Variants in DDX54 observed in about 807,000 individuals in gnomAD.
DDX54 encodes the protein ATP-dependent RNA helicase DDX54.
Under a neutral mutation model 105.5 loss-of-function variants are expected in DDX54, and 67 were observed. The ratio of observed to expected loss-of-function variants is 0.64; its 90% CI spans 0.52 to 0.78. The LOEUF is 0.78. Ranked by LOEUF, DDX54 falls within the 30% of genes least tolerant of loss-of-function variation. The pLI, the probability that DDX54 is intolerant of heterozygous loss-of-function variation, is 0.00. For synonymous variants in DDX54, 514 were observed against 509.9 expected (o/e 1.01, Z -0.11); for missense variants, 1,206 against 1,230.5 (o/e 0.98, Z 0.30).
chr12:113,167,635 G>C (rs1042786999), intron 12 of DDX54, among the ~76,000 whole-genome samples: 1 of 152,224 alleles, frequency 6.6e-6, no homozygotes, highest in Non-Finnish European at 1.5e-5. Context: ...TCAGGAGCCT[G>C]CCCTCTTCCC....
intron 10 of DDX54, among the ~76,000 whole-genome samples, chr12:113,173,185 T>A (rs1433172787): frequency 1.3e-5 from 2 of 151,930 alleles, no homozygotes; most frequent in Non-Finnish European, 2.9e-5. Context: ...ACAAAAAAAA[T>A]TAAAATAAAT....
chr12:113,179,914 G>A lies in DDX54; in HGVS notation c.375+21C>T, dbSNP rs373608065. The A allele has an allele frequency of 2.9e-5, 47 of 1,613,800 alleles. No homozygotes were observed. In the Middle Eastern group the frequency reaches 4.9e-4, roughly 17 times the overall value. ...TGTCACTCCTCCCTCGCCCTCACCCGTCGACCGCCCCACCCCTCACCTTCC... is the reference window on the plus strand; with the variant it reads ...TGTCACTCCTCCCTCGCCCTCACCCATCGACCGCCCCACCCCTCACCTTCC... On this transcript the variant is annotated intron_variant, in intron 3 of 19. Transcript: ENST00000306014.
Position 113,174,523 on chromosome 12 carries a change from G to C in DDX54, c.1068+117C>G, listed in dbSNP as rs1365283349. The stretch of plus-strand genomic sequence containing the variant: ...AAATAAAAATAAAAATGACCATCTT[G>C]AGCCCAGGCCCAGGCTCCTGGTCCG... On this transcript the variant is annotated intron_variant, in intron 10 of 19. Transcript: ENST00000306014. The C allele has an allele frequency of 2.8e-6, 4 of 1,405,140 alleles. No homozygotes were observed. In the Admixed American group the frequency reaches 1.1e-4, roughly 38 times the overall value. The allele number at this position is 1,405,140 out of a possible 1,614,324, so 87.0% of individuals were successfully genotyped here. A position where few individuals can be genotyped will look rare whatever the true frequency, so the allele number is the denominator to read the frequency against.
chr12:113,171,246 G>A (rs1336649911), intron 11 of DDX54, among the ~76,000 whole-genome samples: 1 of 152,156 alleles, frequency 6.6e-6, no homozygotes, highest in African/African-American at 2.4e-5. Context: ...CAGTTACCAG[G>A]GGCTGCGGGA....
chr12:113,176,783 C>G, intron 7 of DDX54, 57 bp downstream of exon 7: 1 of 1,586,662 alleles, frequency 6.3e-7, no homozygotes, highest in South Asian at 1.1e-5. Flanking sequence ...GTTGACCTCT[C>G]TGCCTCTGCT....
chr12:113,169,844 AT>A lies in DDX54; in HGVS notation c.1339del (p.Ile447SerfsTer114), dbSNP rs1335494663. The A allele has an allele frequency of 6.2e-7, 1 of 1,613,874 alleles. No homozygotes were observed. The highest frequency in any genetic ancestry group is 1.1e-5 in the South Asian group (1 of 91,050). ...TAYSLVAPDE[I>X]PYLLDLHLFL... is the part of the protein sequence containing the mutation. ...CAGGTGCAGATCCAGCAGGTAGGGG[AT>A]TTCATCAGGGGCCACCAAGGAGTAG... is the stretch of plus-strand genomic sequence containing the variant. On this transcript the variant is annotated frameshift_variant, in exon 12 of 20. Coordinates refer to ENST00000306014, the MANE Select transcript of DDX54 (RefSeq NM_024072.4). LOFTEE classifies it high-confidence loss of function.
intron 1 of DDX54, 107 bp downstream of exon 1, chr12:113,185,171 C>G (rs1952514182): frequency 7.3e-7 from 1 of 1,364,180 alleles, no homozygotes; most frequent in African/African-American, 1.5e-5. Flanking sequence ...AGCCTCCCTC[C>G]CCACACTCTG....
At position 113,158,852 on chromosome 12, in the gene DDX54, G is replaced by T. The variant is rs1267271949; in HGVS notation, c.*25C>A. 1.9e-6 allele frequency: 3 copies of T among 1,567,346 alleles called. No homozygotes were observed. The highest frequency in any genetic ancestry group is 3.5e-5 in the Admixed American group (2 of 56,864). ...GATGCCCACCCTAAGGCCAATCAAG[G>T]AGCCACGGGGCTGGGTCCTGGTCCT... On this transcript the variant is annotated 3_prime_UTR_variant, in exon 20 of 20. Transcript: ENST00000306014. The surrounding 1 kb of genome is among the most constrained non-coding windows in gnomAD (Gnocchi z 4.9).
Position 113,162,975 on chromosome 12 carries a change from C to A in DDX54, c.2152G>T (p.Asp718Tyr). Reference protein sequence around the residue: ...AAGAVLDLMGDEAQNLTRGRQ... With the variant: ...AAGAVLDLMGYEAQNLTRGRQ... ...CCCCTCGTCAGGTTCTGGGCTTCAT[C>A]CCCCATCAAGTCCAGGACAGCGCCA... The change falls in exon 17 of 20, where the codon GAT becomes TAT. Residue 718 changes from aspartate to tyrosine, a missense_variant. Asp to Tyr is a radical substitution (Grantham distance 160). Coordinates refer to ENST00000306014, the MANE Select transcript of DDX54 (RefSeq NM_024072.4). The A allele has an allele frequency of 1.2e-6, 2 of 1,608,508 alleles. No individual in the cohort carries two copies. The highest frequency in any genetic ancestry group is 8.5e-7 in the Non-Finnish European group (1 of 1,179,706).
At chr12:113,184,646 G>A (rs1324771635) in intron 1 of DDX54, among the ~76,000 whole-genome samples, 3 of 151,760 alleles carry the variant, frequency 2.0e-5, no homozygotes, top group Admixed American at 2.0e-4. Flanking sequence ...GCAACATAGG[G>A]AGACCCCCGT....
Position 113,157,837 on chromosome 12 carries a change from T to C in DDX54, c.*1040A>G. On this transcript the variant is annotated 3_prime_UTR_variant, in exon 20 of 20. Transcript: ENST00000306014. ...GTGCCTGTTCAGAGTGCTGTGGGCC[T>C]GCCATGAGGGGCACATAGCAAGCAC... is the stretch of plus-strand genomic sequence containing the variant. The C allele has an allele frequency of 3.1e-6, 2 of 649,248 alleles. No homozygotes were observed. The highest frequency in any genetic ancestry group is 3.6e-5 in the South Asian group (2 of 55,464). The allele number at this position is 649,248 out of a possible 1,614,324, so 40.2% of individuals were successfully genotyped here. A position where few individuals can be genotyped will look rare whatever the true frequency, so the allele number is the denominator to read the frequency against.
intron 11 of DDX54, among the ~76,000 whole-genome samples, chr12:113,170,121 A>C (rs1286639005): frequency 6.6e-6 from 1 of 152,218 alleles, no homozygotes; most frequent in Non-Finnish European, 1.5e-5. Context: ...ACTAGCAAAA[A>C]TACAGCAAGG....
Position 113,175,055 on chromosome 12 carries a change from C to T in DDX54, c.855G>A (p.Leu285=). Residue 285 remains leucine, a synonymous_variant, in exon 8 of 20, where the codon CTG becomes CTA. Transcript: ENST00000306014. ...ACGCACCAGCCCGGGCAAATTCCAC[C>T]AGCAGTTTGGGCAGCGTGGCGGAGA... The part of the protein sequence containing the change: ...VLFSATLPKL[L]VEFARAGLTE... 1 of 1,614,020 alleles carries T rather than the reference C, an allele frequency of 6.2e-7. No individual in the cohort carries two copies. Among genetic ancestry groups the T allele is most frequent in the South Asian group, 1.1e-5 (1 of 91,088 alleles).
intron 1 of DDX54, among the ~76,000 whole-genome samples, chr12:113,182,215 C>G (rs1368145013): frequency 6.6e-6 from 1 of 152,144 alleles, no homozygotes; most frequent in Admixed American, 6.5e-5. Context: ...ACACAGCCAG[C>G]AGGTAGTGGG....
rs556181766 is a variant in DDX54 at position 113,158,637 on chromosome 12, G to T, written c.*240C>A. On this transcript the variant is annotated 3_prime_UTR_variant, in exon 20 of 20. Transcript: ENST00000306014. The surrounding 1 kb of genome is among the most constrained non-coding windows in gnomAD (Gnocchi z 4.9). ...GAGTTGCCAACTCAAGTCTTGGCCTGCCTGGCTTTGCTGGCGAACTCCTGC... is the reference window on the plus strand; with the variant it reads ...GAGTTGCCAACTCAAGTCTTGGCCTTCCTGGCTTTGCTGGCGAACTCCTGC... 10 of 490,228 alleles carry T rather than the reference G, an allele frequency of 2.0e-5. No individual in the cohort carries two copies. Among genetic ancestry groups the T allele is most frequent in the African/African-American group, 2.0e-4 (10 of 50,568 alleles). The allele number at this position is 490,228 out of a possible 1,614,324, so 30.4% of individuals were successfully genotyped here.
At chr12:113,182,078 G>A (rs768505515) in intron 1 of DDX54, among the ~76,000 whole-genome samples, 11 of 152,066 alleles carry the variant, frequency 7.2e-5, no homozygotes, top group Non-Finnish European at 1.3e-4. Flanking sequence ...GCTAGGTGCT[G>A]CTCTGAGAAT....
rs1379935813 is a variant in DDX54 at position 113,163,184 on chromosome 12, C to T, written c.2029G>A (p.Asp677Asn). Residue 677 changes from aspartate to asparagine, a missense_variant, in exon 16 of 20, where the codon GAC becomes AAC. By Grantham distance (23) the Asp-to-Asn change is conservative (BLOSUM62 1). Around this residue, in one of 3 missense-constraint regions of DDX54, gnomAD observed 961 missense variants for 1,019.1 expected, o/e 0.94. Coordinates refer to ENST00000306014, the MANE Select transcript of DDX54 (RefSeq NM_024072.4). The surrounding 1 kb of genome is among the most constrained non-coding windows in gnomAD (Gnocchi z 5.9). ...CGGTAGGGGATGTAGAATTCCTGGT[C>T]CCGCTGCCGGGCCTCCTCCCTCCGC... ...KRRREEARQRDQEFYIPYRPK... is the reference protein window; with the variant it reads ...KRRREEARQRNQEFYIPYRPK... 1.2e-6 allele frequency: 2 copies of T among 1,612,852 alleles called. No homozygotes were observed. The highest frequency in any genetic ancestry group is 1.1e-5 in the South Asian group (1 of 91,088).
In DDX54 at chr12:113,158,613, A is replaced by C; in HGVS notation, c.*264T>G. The stretch of plus-strand genomic sequence containing the variant: ...GAACACATGGAAGCAGCAGCAGCTG[A>C]GTTGCCAACTCAAGTCTTGGCCTGC... On this transcript the variant is annotated 3_prime_UTR_variant, in exon 20 of 20. Transcript: ENST00000306014. The surrounding 1 kb of genome is among the most constrained non-coding windows in gnomAD (Gnocchi z 4.9). 1 of 454,334 alleles carries C rather than the reference A, an allele frequency of 2.2e-6. No homozygotes were observed. Among genetic ancestry groups the C allele is most frequent in the Non-Finnish European group, 3.9e-6 (1 of 259,338 alleles). The allele number at this position is 454,334 out of a possible 1,614,324, so 28.1% of individuals were successfully genotyped here.
In DDX54 at chr12:113,162,937, G is replaced by A; in HGVS notation, c.2190C>T (p.Leu730=). 1 of 1,595,918 alleles carries A rather than the reference G, an allele frequency of 6.3e-7. No homozygotes were observed. Among genetic ancestry groups the A allele is most frequent in the Non-Finnish European group, 8.5e-7 (1 of 1,174,620 alleles). The change falls in exon 17 of 20, where the codon CTC becomes CTT. Residue 730 remains leucine, a synonymous_variant. Transcript: ENST00000306014. ...CGGCTCACTCGATCACTCACCACTT[G>A]AGCTGCTGCCGGCCCCTCGTCAGGT... is the stretch of plus-strand genomic sequence containing the variant. The part of the protein sequence containing the change: ...AQNLTRGRQQ[L]KWDRKKKRFV...
Sources: allele counts gnomAD v4.1 joint callset (sites outside exome capture counted in the v4.1 genomes callset), GRCh38; gene constraint gnomAD v4.1.1; regional missense constraint gnomAD v4.1.1; non-coding constraint Gnocchi (gnomAD v3.1); transcripts MANE v1.5; gene names NCBI Gene and HGNC (gene_info 2026-07-23, HGNC 2026-07-21).